Variants in ZNF827 observed in about 807,000 individuals in gnomAD.
The protein encoded by ZNF827 is zinc finger protein 827.
ZNF827 carries 13 observed loss-of-function variants against 102.4 expected under a neutral mutation model. The observed-to-expected ratio is 0.13, with a 90% confidence interval of 0.08 to 0.20. The LOEUF is 0.20. Ranked by LOEUF, ZNF827 falls within the 10% of genes least tolerant of loss-of-function variation. The pLI, the probability that ZNF827 is intolerant of heterozygous loss-of-function variation, is 1.00. For missense variants in ZNF827, 1,103 were observed against 1,344.4 expected (o/e 0.82, Z 2.81); for synonymous variants, 523 against 536.2 (o/e 0.98, Z 0.34).
intron 1 of ZNF827, among the ~76,000 whole-genome samples, chr4:145,907,889 A>T (rs750558498): frequency 2.0e-5 from 3 of 152,222 alleles, no homozygotes; most frequent in Non-Finnish European, 4.4e-5. Context: ...ACAGAATGAA[A>T]ATATGCTGAA....
At chr4:145,782,601 G>A (rs1738249820) in intron 8 of ZNF827, among the ~76,000 whole-genome samples, 1 of 152,150 alleles carries the variant, frequency 6.6e-6, no homozygotes, top group Admixed American at 6.5e-5. Flanking sequence ...CTCCAAAACA[G>A]GTTCTCTGCT....
intron 1 of ZNF827, among the ~76,000 whole-genome samples, chr4:145,926,745 G>A (rs1465660862): frequency 2.0e-5 from 3 of 152,090 alleles, no homozygotes; most frequent in African/African-American, 7.2e-5. Flanking sequence ...TAAATTAATA[G>A]TTAATATTTG....
At chr4:145,832,078 C>G (rs1441369501) in intron 7 of ZNF827, 1 of 152,172 alleles carries the variant, frequency 6.6e-6, no homozygotes, top group African/African-American at 2.4e-5. Flanking sequence ...GCTTGGGCAA[C>G]ATGGCAGAAA....
At position 145,757,748 on chromosome 4, in the gene ZNF827, G is replaced by A. The variant is rs1211294094; in HGVS notation, c.*3868C>T. The A allele has an allele frequency of 2.0e-5, 3 of 151,544 alleles. No homozygotes were observed. Among genetic ancestry groups the A allele is most frequent in the Non-Finnish European group, 4.4e-5 (3 of 67,980 alleles). 9.4% of individuals were successfully genotyped at this position (151,544 alleles called of 1,614,324 possible). On this transcript the variant is annotated 3_prime_UTR_variant, in exon 15 of 15. Coordinates refer to ENST00000508784, the MANE Select transcript of ZNF827 (RefSeq NM_001306215.2). Reference sequence around the variant, plus strand: ...TACCAGTTACTGTCAAAATGACCCTGTACAGCCTCGTAATGCAAAAAGCTT... The same window carrying A: ...TACCAGTTACTGTCAAAATGACCCTATACAGCCTCGTAATGCAAAAAGCTT...
At chr4:145,770,400 G>C (rs1736093266) in intron 11 of ZNF827, among the ~76,000 whole-genome samples, 1 of 151,728 alleles carries the variant, frequency 6.6e-6, no homozygotes, top group Non-Finnish European at 1.5e-5. Flanking sequence ...CTTAGTAGCT[G>C]TATTATTTTG....
intron 8 of ZNF827, among the ~76,000 whole-genome samples, chr4:145,792,365 G>T: frequency 6.7e-6 from 1 of 148,726 alleles, no homozygotes; most frequent in Non-Finnish European, 1.5e-5. Context: ...ATTGTTTTCA[G>T]TTGTCATAAG....
intron 8 of ZNF827, among the ~76,000 whole-genome samples, chr4:145,810,238 CATTT>C (rs1436087527): frequency 6.6e-6 from 1 of 152,088 alleles, no homozygotes; most frequent in East Asian, 1.9e-4. Context: ...ATGAAAAACT[CATTT>C]AACTCTGGCT....
chr4:145,812,317 T>C (rs1430377805), intron 8 of ZNF827, among the ~76,000 whole-genome samples: 2 of 152,090 alleles, frequency 1.3e-5, no homozygotes, highest in Non-Finnish European at 2.9e-5. Context: ...TCTTCAGTTT[T>C]CATGTTGAGT....
chr4:145,857,925 TATAC>T (rs1747309903), intron 5 of ZNF827, among the ~76,000 whole-genome samples: 1 of 152,192 alleles, frequency 6.6e-6, no homozygotes, highest in Admixed American at 6.5e-5. Context: ...ATGTCCAGAA[TATAC>T]TTTTCCTGTC....
intron 9 of ZNF827, among the ~76,000 whole-genome samples, chr4:145,778,524 A>C (rs1389785261): frequency 6.6e-6 from 1 of 152,140 alleles, no homozygotes; most frequent in East Asian, 1.9e-4. Flanking sequence ...AGATGGAAGG[A>C]TCACTTGAAC....
intron 11 of ZNF827, among the ~76,000 whole-genome samples, chr4:145,772,200 C>A (rs1468408421): frequency 6.6e-6 from 1 of 152,204 alleles, no homozygotes; most frequent in Non-Finnish European, 1.5e-5. Context: ...CAAATATATT[C>A]ATTCACTGAA....
chr4:145,759,043 C>T lies in ZNF827; in HGVS notation c.*2573G>A, dbSNP rs143810013. Reference sequence around the variant, plus strand: ...ATGCTTTTATTTTCCCCTGGTGAAACAGATTTTAAAAAACCCCAACTCTTA... The same window carrying T: ...ATGCTTTTATTTTCCCCTGGTGAAATAGATTTTAAAAAACCCCAACTCTTA... On this transcript the variant is annotated 3_prime_UTR_variant, in exon 15 of 15. Coordinates refer to ENST00000508784, the MANE Select transcript of ZNF827 (RefSeq NM_001306215.2). 29 of 152,256 alleles carry T rather than the reference C, an allele frequency of 1.9e-4. No homozygotes were observed. The highest frequency in any genetic ancestry group is 6.3e-4 in the African/African-American group (26 of 41,542). 9.4% of individuals were successfully genotyped at this position (152,256 alleles called of 1,614,324 possible).
At chr4:145,834,383 C>T (rs1016368267) in intron 7 of ZNF827, among the ~76,000 whole-genome samples, 6 of 152,122 alleles carry the variant, frequency 3.9e-5, no homozygotes, top group African/African-American at 1.4e-4. Context: ...TCTTCCTTTT[C>T]TACAGACCCA....
In ZNF827 at chr4:145,758,165, GA is replaced by G. The variant is rs1734098103; in HGVS notation, c.*3450del. The G allele has an allele frequency of 6.6e-6, 1 of 152,020 alleles. No homozygotes were observed. Among genetic ancestry groups the G allele is most frequent in the African/African-American group, 2.4e-5 (1 of 41,392 alleles). 9.4% of individuals were successfully genotyped at this position (152,020 alleles called of 1,614,324 possible). On this transcript the variant is annotated 3_prime_UTR_variant, in exon 15 of 15. Transcript: ENST00000508784. ...CTCCAAACACACCTTTTCTCACTCA[GA>G]AAACTTTTATAATTTACCAGAAAGA...
chr4:145,907,495 C>A (rs1712741089), intron 1 of ZNF827, among the ~76,000 whole-genome samples: 1 of 152,210 alleles, frequency 6.6e-6, no homozygotes, highest in African/African-American at 2.4e-5. Flanking sequence ...CTTTCACAAT[C>A]TGAGAAGTCT....
In ZNF827 at chr4:145,864,142, C is replaced by T. The variant is rs189864624; in HGVS notation, c.1981+6103G>A. 2.5e-3 allele frequency among the ~76,000 whole-genome samples: 377 copies of T among 151,954 alleles called. 3 individuals are homozygous for T. Among genetic ancestry groups the T allele is most frequent in the African/African-American group, 8.7e-3 (362 of 41,440 alleles). On this transcript the variant is annotated intron_variant, in intron 5 of 14. Coordinates refer to ENST00000508784, the MANE Select transcript of ZNF827 (RefSeq NM_001306215.2). The stretch of plus-strand genomic sequence containing the variant: ...CAGGAACCCACTGCATTCCAGCCTG[C>T]ACAACAGGGTGAAACTCTGTCTCTC...
rs70956881 is a variant in ZNF827 at position 145,923,450 on chromosome 4, TA to T, written c.43+14914del. On this transcript the variant is annotated intron_variant, in intron 1 of 14. Transcript: ENST00000508784. The stretch of plus-strand genomic sequence containing the variant: ...TGAGAACCCATCTCTATTACAAATG[TA>T]AAAAAAAAAAAAAAAAAATTAGCCA... Among the ~76,000 whole-genome samples, 520 of 130,732 alleles carry T rather than the reference TA, an allele frequency of 4.0e-3. 2 individuals are homozygous for T. The highest frequency in any genetic ancestry group is 0.011 in the East Asian group (51 of 4,492). 85.8% of individuals were successfully genotyped at this position (130,732 alleles called of 152,430 possible).
chr4:145,848,934 G>A (rs547244273), intron 6 of ZNF827, among the ~76,000 whole-genome samples: 35 of 152,140 alleles, frequency 2.3e-4, no homozygotes, highest in African/African-American at 8.0e-4. Flanking sequence ...CACTAATTTG[G>A]AAGTCATAGT....
intron 8 of ZNF827, among the ~76,000 whole-genome samples, chr4:145,793,290 T>TATATATTATATATATTA (rs1739975352): frequency 2.4e-3 from 6 of 2,482 alleles, no homozygotes; most frequent in Admixed American, 6.7e-3. Context: ...AATATATATA[T>TATATATTATATATATTA]GATATATATC....
Sources: allele counts gnomAD v4.1 joint callset (sites outside exome capture counted in the v4.1 genomes callset), GRCh38; gene constraint gnomAD v4.1.1; transcripts MANE v1.5; gene names NCBI Gene and HGNC (gene_info 2026-07-23, HGNC 2026-07-21).